ILF2: variants seen among roughly 807,000 people sequenced by gnomAD.
ILF2 encodes interleukin enhancer-binding factor 2.
Under a neutral mutation model 55.3 loss-of-function variants are expected in ILF2, and 9 were observed. The ratio of observed to expected loss-of-function variants is 0.16; its 90% CI spans 0.10 to 0.28. The LOEUF (loss-of-function observed/expected upper bound fraction) is 0.28. ILF2 is among the 10% of genes least tolerant of loss of function. The pLI, the probability that ILF2 is intolerant of heterozygous loss-of-function variation, is 1.00. For missense variants in ILF2, 266 were observed against 474.9 expected, an observed-to-expected ratio of 0.56 and a Z score of 4.09; for synonymous variants, 151 against 161.8, an observed-to-expected ratio of 0.93 and a Z score of 0.50.
rs773203578 is a variant in ILF2, at chr1:153,668,068, GGATA to G, written c.219_222del (p.Ile74PhefsTer4). On this transcript the variant is annotated frameshift_variant, in exon 5 of 14. Transcript: ENST00000361891. LOFTEE classifies it high-confidence loss of function. ...TTGTTTATTTTTGTCACCAGAGAAA[GGATA>G]GATGCCTGAAAAACAGTATGAAACA... 2 of 1,604,436 alleles carry G rather than the reference GGATA, an allele frequency of 1.2e-6. No individual in the cohort carries two copies. The highest frequency in any genetic ancestry group is 1.3e-5 in the African/African-American group (1 of 74,720).
Position 153,661,863 on chromosome 1 carries a change from C to A in ILF2, c.*533G>T. ...GTTTACTCTGGTATATGGAAAGGTT[C>A]CAGGAGTTTGTCCTTTAATTCAAAG... is the stretch of plus-strand genomic sequence containing the variant. On this transcript the variant is annotated 3_prime_UTR_variant, in exon 14 of 14. Transcript: ENST00000361891. The A allele has an allele frequency of 6.4e-6, 1 of 155,728 alleles. No individual in the cohort carries two copies. Among genetic ancestry groups the A allele is most frequent in the Non-Finnish European group, 1.4e-5 (1 of 70,210 alleles). 9.6% of individuals were successfully genotyped at this position (155,728 alleles called of 1,614,324 possible).
Position 153,662,288 on chromosome 1 carries a change from T to G in ILF2, c.*108A>C. 1 of 1,393,206 alleles carries G rather than the reference T, an allele frequency of 7.2e-7. No homozygotes were observed. Among genetic ancestry groups the G allele is most frequent in the Non-Finnish European group, 9.8e-7 (1 of 1,019,698 alleles). 86.3% of individuals were successfully genotyped at this position (1,393,206 alleles called of 1,614,324 possible). A position where few individuals can be genotyped will look rare whatever the true frequency, so the allele number is the denominator to read the frequency against. On this transcript the variant is annotated 3_prime_UTR_variant, in exon 14 of 14. Coordinates refer to ENST00000361891, the MANE Select transcript of ILF2 (RefSeq NM_004515.4). Reference sequence around the variant, plus strand: ...CTTCTATGGAGTTTACTTTTCTTCCTGCTATCTTCCCTATCCCACGGAAAT... The same window carrying G: ...CTTCTATGGAGTTTACTTTTCTTCCGGCTATCTTCCCTATCCCACGGAAAT...
At chr1:153,669,033 C>T (rs1177947834) in intron 3 of ILF2, among the ~76,000 whole-genome samples, 2 of 151,998 alleles carry the variant, frequency 1.3e-5, no homozygotes, top group African/African-American at 2.4e-5. Flanking sequence ...GGTGAAACCC[C>T]GTCTCTACTA....
intron 10 of ILF2, 131 bp downstream of exon 10, chr1:153,663,912 T>C (rs900973963): frequency 3.4e-5 from 16 of 467,578 alleles, no homozygotes; most frequent in Admixed American, 1.5e-4. Flanking sequence ...CAATAAAATT[T>C]CTTTTAAGCT....
intron 1 of ILF2, among the ~76,000 whole-genome samples, chr1:153,670,491 ATACT>A (rs1216798237): frequency 6.6e-6 from 1 of 152,088 alleles, no homozygotes; most frequent in Admixed American, 6.5e-5. Flanking sequence ...ACGAATCCTA[ATACT>A]TCGGAGGCTA....
At chr1:153,663,994 ACT>A in intron 10 of ILF2, 47 bp downstream of exon 10, 1 of 406,714 alleles carries the variant, frequency 2.5e-6, no homozygotes, top group South Asian at 3.7e-5. Context: ...TACTACTACT[ACT>A]AGTAAATAAG....
chr1:153,668,116 T>C (rs1319119450), intron 4 of ILF2, 39 bp from the exon 5 acceptor site: 2 of 1,415,296 alleles, frequency 1.4e-6, no homozygotes, highest in Admixed American at 1.9e-5. Flanking sequence ...AAATGAAAAA[T>C]TATAAGCAAT....
chr1:153,664,425 G>A lies in ILF2; in HGVS notation c.627C>T (p.Arg209=), dbSNP rs750806598. The change falls in exon 9 of 14, where the codon CGC becomes CGT. Residue 209 remains arginine, a synonymous_variant. Transcript: ENST00000361891. ...QSALAAIRHA[R]WFEENASQST... ...ACTGAGAAGCATTTTCCTCGAACCA[G>A]CGGGCATGTCGGATGGCTGCTAAGG... is the stretch of plus-strand genomic sequence containing the variant. The A allele has an allele frequency of 1.2e-6, 2 of 1,614,096 alleles. No individual in the cohort carries two copies. The highest frequency in any genetic ancestry group is 1.7e-6 in the Non-Finnish European group (2 of 1,179,938).
At chr1:153,668,633 G>C (rs1272632178) in intron 3 of ILF2, 76 bp from the exon 4 acceptor site, 2 of 1,474,814 alleles carry the variant, frequency 1.4e-6, no homozygotes, top group Non-Finnish European at 1.8e-6. Context: ...CTATTACTAC[G>C]ACAGAAAAAG....
chr1:153,663,962 CT>C (rs1277006656), intron 10 of ILF2, 80 bp downstream of exon 10: 5 of 484,654 alleles, frequency 1.0e-5, no homozygotes, highest in African/African-American at 8.7e-5. Context: ...AGAGTTACTA[CT>C]ACTACTACTA....
rs1373557250 is a variant in ILF2 at position 153,662,360 on chromosome 1, C to T, written c.*36G>A. 2.5e-6 allele frequency: 4 copies of T among 1,612,908 alleles called. No individual in the cohort carries two copies. The highest frequency in any genetic ancestry group is 3.4e-6 in the Non-Finnish European group (4 of 1,179,554). ...AGTAGCAGGCAGCTTAGGCTCCAGT[C>T]TTCCCCCTTGGGTAGGAAAAGGAGT... On this transcript the variant is annotated 3_prime_UTR_variant, in exon 14 of 14. Transcript: ENST00000361891.
chr1:153,662,757 G>A lies in ILF2; in HGVS notation c.960C>T (p.Ile320=). 3.1e-6 allele frequency: 5 copies of A among 1,614,194 alleles called. No homozygotes were observed. The highest frequency in any genetic ancestry group is 4.2e-6 in the Non-Finnish European group (5 of 1,180,024). Reference sequence around the variant, plus strand: ...TCTTCCTAAAGCCACCATGTGAGAGGATTCGGACGAGAGTCTGAGCTGTAT... The same window carrying A: ...TCTTCCTAAAGCCACCATGTGAGAGAATTCGGACGAGAGTCTGAGCTGTAT... ...VCYTAQTLVR[I]LSHGGFRKIL... Residue 320 remains isoleucine, a synonymous_variant, in exon 13 of 14, where the codon ATC becomes ATT. Coordinates refer to ENST00000361891, the MANE Select transcript of ILF2 (RefSeq NM_004515.4).
intron 3 of ILF2, among the ~76,000 whole-genome samples, chr1:153,669,513 C>T (rs1669391458): frequency 6.6e-6 from 1 of 151,742 alleles, no homozygotes; most frequent in Non-Finnish European, 1.5e-5. Context: ...TGTAGTGGTG[C>T]CATCTTGGTT....
intron 4 of ILF2, among the ~76,000 whole-genome samples, 163 bp from the exon 5 acceptor site, chr1:153,668,240 T>C (rs1212215532): frequency 6.6e-6 from 1 of 152,158 alleles, no homozygotes; most frequent in South Asian, 2.1e-4. Context: ...AGAGAACAAC[T>C]CTTTGTCCCC....
chr1:153,667,802 G>A, intron 5 of ILF2, 145 bp from the exon 6 acceptor site: 4 of 689,288 alleles, frequency 5.8e-6, no homozygotes, highest in African/African-American at 3.6e-5. Context: ...CCACATGAAA[G>A]CCTGATACAT....
chr1:153,664,222 A>G, intron 9 of ILF2, 92 bp from the exon 10 acceptor site: 4 of 967,452 alleles, frequency 4.1e-6, no homozygotes, highest in Non-Finnish European at 6.4e-6. Context: ...CTATTTCCAG[A>G]ACTATACATT....
chr1:153,662,853 T>TA, intron 12 of ILF2, 58 bp from the exon 13 acceptor site: 1 of 1,446,078 alleles, frequency 6.9e-7, no homozygotes, highest in Non-Finnish European at 9.7e-7. Context: ...ATTTGAGTAA[T>TA]ACCCTTCTGA....
Position 153,669,851 on chromosome 1 carries a change from T to C in ILF2, c.93A>G (p.Pro31=). ...AGGTACTCACCAAATAGAAGTCAAA[T>C]GGGATATGTGGTACAAAGGGCCTGA... is the stretch of plus-strand genomic sequence containing the variant. The part of the protein sequence containing the change: ...GGFRPFVPHI[P]FDFYLCEMAF... Residue 31 remains proline (P), a synonymous_variant, in exon 3 of 14, where the codon CCA becomes CCG. Transcript: ENST00000361891. 2 of 1,612,846 alleles carry C rather than the reference T, an allele frequency of 1.2e-6. No homozygotes were observed. Among genetic ancestry groups the C allele is most frequent in the South Asian group, 1.1e-5 (1 of 91,066 alleles).
At chr1:153,662,973 T>A in intron 12 of ILF2, 46 bp downstream of exon 12, 3 of 1,515,016 alleles carry the variant, frequency 2.0e-6, no homozygotes, top group Non-Finnish European at 2.8e-6. Context: ...GCAGCAGTAT[T>A]CAAAAGAGTG....
Sources: gnomAD v4.1 joint callset for allele counts (sites outside exome capture counted in the v4.1 genomes callset) on GRCh38, gnomAD v4.1.1 for gene constraint, MANE v1.5 for transcripts, NCBI Gene and HGNC (gene_info 2026-07-23, HGNC 2026-07-21) for gene names.